The following DDC variants were observed in gnomAD, a reference collection of about 807,000 sequenced individuals.
DDC encodes the protein aromatic-L-amino-acid decarboxylase.
In DDC, 43 loss-of-function variants were observed where a neutral mutation model predicts 60.0. That is an observed-to-expected ratio of 0.72 (90% CI 0.56 to 0.92). DDC has a LOEUF of 0.92. Ranked by LOEUF, DDC falls within the 40% of genes least tolerant of loss-of-function variation. The pLI, the probability that DDC is intolerant of heterozygous loss-of-function variation, is 0.00. For synonymous variants in DDC, 232 were observed against 234.6 expected (o/e 0.99, Z 0.10); for missense variants, 573 against 620.2 (o/e 0.92, Z 0.81).
chr7:50,541,543 G>A (rs2044631697), intron 2 of DDC: 1 of 152,258 alleles, frequency 6.6e-6, no homozygotes, highest in African/African-American at 2.4e-5. Context: ...CCAACAGTGG[G>A]ATTAGTGCCC....
chr7:50,480,247 C>T (rs986564468), intron 9 of DDC, among the ~76,000 whole-genome samples: 11 of 152,080 alleles, frequency 7.2e-5, no homozygotes, highest in South Asian at 2.1e-4. Context: ...AATGAAACTC[C>T]GTTAAAAACT....
intron 3 of DDC, chr7:50,539,208 C>T (rs1229854018): frequency 1.3e-5 from 2 of 154,304 alleles, no homozygotes; most frequent in Non-Finnish European, 2.9e-5. Context: ...CAGCCCCTGG[C>T]TTTTGAGGAA....
At chr7:50,537,721 A>C in intron 4 of DDC, 139 bp downstream of exon 4, 1 of 1,135,414 alleles carries the variant, frequency 8.8e-7, no homozygotes, top group Non-Finnish European at 1.3e-6. Flanking sequence ...GCATTTTCCC[A>C]AGAGCTCGGT....
At chr7:50,522,853 C>T (rs750189747) in intron 6 of DDC, among the ~76,000 whole-genome samples, 9 of 152,146 alleles carry the variant, frequency 5.9e-5, no homozygotes, top group African/African-American at 2.2e-4. Flanking sequence ...CGGAAACTTA[C>T]AATCATGGCA....
At chr7:50,540,119 G>A in intron 2 of DDC, 91 bp from the exon 3 acceptor site, 1 of 877,328 alleles carries the variant, frequency 1.1e-6, no homozygotes, top group Non-Finnish European at 1.9e-6. Context: ...GCTCCCAGCT[G>A]CCAGATGCAG....
chr7:50,465,016 T>C (rs73695684), intron 13 of DDC, among the ~76,000 whole-genome samples: 7,937 of 152,246 alleles, frequency 0.052, 476 homozygotes, highest in African/African-American at 0.15. Context: ...GAAAAATGCC[T>C]TGGACTTCCT....
At chr7:50,495,666 G>T (rs988280197) in intron 8 of DDC, among the ~76,000 whole-genome samples, 1 of 151,990 alleles carries the variant, frequency 6.6e-6, no homozygotes, top group African/African-American at 2.4e-5. Flanking sequence ...GAGTTGATTT[G>T]TATGTTTTGC....
At chr7:50,528,352 A>G in intron 5 of DDC, 72 bp from the exon 6 acceptor site, 2 of 1,597,768 alleles carry the variant, frequency 1.3e-6, no homozygotes, top group South Asian at 2.2e-5. Context: ...CTGGATCGGC[A>G]GAGAGCAGCC....
intron 1 of DDC, among the ~76,000 whole-genome samples, chr7:50,561,370 C>T (rs548307310): frequency 4.1e-4 from 62 of 152,242 alleles, no homozygotes; most frequent in Non-Finnish European, 7.6e-4. Flanking sequence ...ACTTTGAGAA[C>T]GACCAGGCTC....
At position 50,562,436 on chromosome 7, in the gene DDC, C is replaced by A. The variant is rs535539877; in HGVS notation, c.-29+2849G>T. Among the ~76,000 whole-genome samples, 8 of 152,330 alleles carry A rather than the reference C, an allele frequency of 5.3e-5. No homozygotes were observed. In the East Asian group the frequency reaches 9.6e-4, roughly 18 times the overall value. The stretch of plus-strand genomic sequence containing the variant: ...GCCAGCAGCAAGGTGGCTCATCCCC[C>A]CAAACACTGTGAGTTCAGCCATGAC... On this transcript the variant is annotated intron_variant, in intron 1 of 14. Coordinates refer to ENST00000444124, the MANE Select transcript of DDC (RefSeq NM_001082971.2).
chr7:50,473,768 C>G (rs901995257), intron 11 of DDC, among the ~76,000 whole-genome samples: 1 of 152,212 alleles, frequency 6.6e-6, no homozygotes, highest in Non-Finnish European at 1.5e-5. Context: ...CTGCCACAAG[C>G]GGCAAGAGGA....
intron 9 of DDC, among the ~76,000 whole-genome samples, chr7:50,494,264 T>C (rs920901363): frequency 6.6e-6 from 1 of 152,202 alleles, no homozygotes; most frequent in South Asian, 2.1e-4. Flanking sequence ...TCCCAGCATT[T>C]TGGGAGGCCG....
chr7:50,529,165 T>C (rs1315848654), intron 5 of DDC, 43 bp downstream of exon 5: 1 of 1,611,884 alleles, frequency 6.2e-7, no homozygotes, highest in East Asian at 2.2e-5. Flanking sequence ...AACCAAACAT[T>C]CGGGTCTTGA....
intron 1 of DDC, among the ~76,000 whole-genome samples, chr7:50,551,232 T>A (rs1197144334): frequency 9.3e-6 from 1 of 107,022 alleles, no homozygotes; most frequent in Non-Finnish European, 1.9e-5. Context: ...CGTTGTACTT[T>A]TTTTTTTTTT....
At chr7:50,555,971 C>T (rs540317534) in intron 1 of DDC, among the ~76,000 whole-genome samples, 1 of 152,338 alleles carries the variant, frequency 6.6e-6, no homozygotes, top group South Asian at 2.1e-4. Context: ...TAAGTAACTT[C>T]AGGATTAGAA....
intron 6 of DDC, among the ~76,000 whole-genome samples, chr7:50,509,560 C>A (rs1585204833): frequency 6.6e-6 from 1 of 152,192 alleles, no homozygotes; most frequent in South Asian, 2.1e-4. Context: ...CCACATTTTT[C>A]ATTTCCTCAT....
intron 7 of DDC, among the ~76,000 whole-genome samples, chr7:50,501,527 G>T (rs878959708): frequency 1.3e-5 from 2 of 152,360 alleles, no homozygotes; most frequent in Admixed American, 1.3e-4. Flanking sequence ...GCAATTGGAA[G>T]AAAACCATCT....
Position 50,494,568 on chromosome 7 carries a change from G to T in DDC, c.944+782C>A, listed in dbSNP as rs1308185143. Among the ~76,000 whole-genome samples the T allele has an allele frequency of 2.0e-5, 3 of 151,464 alleles. No individual in the cohort carries two copies. The Admixed American group carries it at 2.0e-4, about 10-fold the overall frequency. The stretch of plus-strand genomic sequence containing the variant: ...ATCGCACCACTGCACTCCAACCCGG[G>T]CGACAGAGTGAGACACTGTCTCGAA... On this transcript the variant is annotated intron_variant, in intron 9 of 14. Transcript: ENST00000444124.
At chr7:50,499,916 C>G (rs1204552025) in intron 7 of DDC, among the ~76,000 whole-genome samples, 2 of 152,196 alleles carry the variant, frequency 1.3e-5, no homozygotes, top group African/African-American at 2.4e-5. Context: ...CCAAGGGGCC[C>G]TATCTACTTC....
Sources: allele counts gnomAD v4.1 joint callset (sites outside exome capture counted in the v4.1 genomes callset), GRCh38; gene constraint gnomAD v4.1.1; transcripts MANE v1.5; gene names NCBI Gene and HGNC (gene_info 2026-07-23, HGNC 2026-07-21).